PWP1: variants seen among roughly 807,000 people sequenced by gnomAD.
PWP1 encodes the protein periodic tryptophan protein 1 homolog.
Under a neutral mutation model 69.9 loss-of-function variants are expected in PWP1, and 47 were observed. The ratio of observed to expected loss-of-function variants is 0.67; its 90% confidence interval spans 0.53 to 0.86. The LOEUF (loss-of-function observed/expected upper bound fraction) is 0.86. Among genes scored for constraint, PWP1 ranks in the 40% least tolerant of loss-of-function variants. The probability of loss-of-function intolerance (pLI) is 0.00; values close to 1 mark genes in which losing one functional copy is unlikely to be tolerated. For missense variants in PWP1, 551 were observed against 608.8 expected (o/e 0.91, Z 1.00); for synonymous variants, 222 against 208.2 (o/e 1.07, Z -0.57).
intron 11 of PWP1, among the ~76,000 whole-genome samples, chr12:107,705,931 G>A (rs1204978864): frequency 6.6e-6 from 1 of 152,162 alleles, no homozygotes; most frequent in Admixed American, 6.5e-5. Flanking sequence ...GGATGGCTGG[G>A]TCAAATGGTA....
At chr12:107,693,928 T>G (rs879496553) in intron 5 of PWP1, among the ~76,000 whole-genome samples, 1 of 152,176 alleles carries the variant, frequency 6.6e-6, no homozygotes, top group Non-Finnish European at 1.5e-5. Flanking sequence ...TTCCTAATAA[T>G]TCAACACAAA....
chr12:107,698,832 A>G (rs761964210), intron 7 of PWP1, among the ~76,000 whole-genome samples: 1 of 152,174 alleles, frequency 6.6e-6, no homozygotes, highest in Non-Finnish European at 1.5e-5. Context: ...GCCTCAAGCG[A>G]TGTTCCCACG....
intron 5 of PWP1, among the ~76,000 whole-genome samples, chr12:107,694,833 T>C (rs886156066): frequency 5.3e-5 from 8 of 152,168 alleles, no homozygotes; most frequent in Non-Finnish European, 1.0e-4. Context: ...ATTATAGATA[T>C]ACTTTATTAT....
chr12:107,704,581 A>C (rs1291600792), intron 10 of PWP1, 55 bp from the exon 11 acceptor site: 1 of 1,185,876 alleles, frequency 8.4e-7, no homozygotes, highest in East Asian at 2.4e-5. Flanking sequence ...ATTATAAATA[A>C]AACATATAGG....
In PWP1 at chr12:107,688,640, G is replaced by C; in HGVS notation, c.157G>C (p.Glu53Gln). 1 of 1,614,170 alleles carries C rather than the reference G, an allele frequency of 6.2e-7. No individual in the cohort carries two copies. The highest frequency in any genetic ancestry group is 8.5e-7 in the Non-Finnish European group (1 of 1,179,988). ...LQEEGGGSDE[E>Q]ETGSPSEDGM... is the part of the protein sequence containing the mutation. ...AGAAGAAGGTGGTGGCAGTGATGAA[G>C]AGGAGACAGGCAGTCCTTCAGAAGA... is the stretch of plus-strand genomic sequence containing the variant. Residue 53 changes from glutamate to glutamine, a missense_variant, in exon 3 of 15, where the codon GAG becomes CAG. Physicochemically the swap from Glu to Gln is conservative, Grantham distance 29 (BLOSUM62 2). Coordinates refer to ENST00000412830, the MANE Select transcript of PWP1 (RefSeq NM_007062.3).
chr12:107,686,387 C>T (rs924168148), intron 1 of PWP1, among the ~76,000 whole-genome samples: 4 of 152,152 alleles, frequency 2.6e-5, no homozygotes, highest in Admixed American at 2.0e-4. Context: ...TCTTGTGCTC[C>T]GTGTCTGAAG....
At chr12:107,703,919 C>T (rs890357330) in intron 10 of PWP1, among the ~76,000 whole-genome samples, 173 bp downstream of exon 10, 4 of 152,236 alleles carry the variant, frequency 2.6e-5, no homozygotes, top group African/African-American at 9.6e-5. Context: ...TACAACGGAA[C>T]ATGATTCTGT....
In PWP1 at chr12:107,697,471, T is replaced by TTACATTGCTGTAGGAAAC; in HGVS notation, c.619_636dup (p.Tyr207_Asn212dup). 6.3e-7 allele frequency: 1 copy of TTACATTGCTGTAGGAAAC among 1,580,908 alleles called. No homozygotes were observed. Among genetic ancestry groups the TTACATTGCTGTAGGAAAC allele is most frequent in the South Asian group, 1.2e-5 (1 of 85,272 alleles). On this transcript the variant is annotated inframe_insertion, in exon 7 of 15. Transcript: ENST00000412830. ...ATGCATTGTTTCCTCCCATAGGAAA[T>TTACATTGCTGTAGGAAAC]TACATTGCTGTAGGAAACATGACCC... is the stretch of plus-strand genomic sequence containing the variant.
chr12:107,688,876 C>T (rs1305863527), intron 3 of PWP1, 74 bp downstream of exon 3: 1 of 1,415,402 alleles, frequency 7.1e-7, no homozygotes, highest in Non-Finnish European at 9.7e-7. Flanking sequence ...TGTTCCAAAG[C>T]TTTACTCTTA....
chr12:107,706,514 T>G (rs1374981288), intron 11 of PWP1, among the ~76,000 whole-genome samples: 2 of 152,220 alleles, frequency 1.3e-5, no homozygotes, highest in Non-Finnish European at 2.9e-5. Context: ...CTTCTAGGGT[T>G]TTTATGGTTT....
rs758330774 is a variant in PWP1 at position 107,709,061 on chromosome 12, A to T, written c.1168+45A>T. The T allele has an allele frequency of 4.3e-6, 7 of 1,613,644 alleles. No individual in the cohort carries two copies. The South Asian group carries it at 6.6e-5, about 15-fold the overall frequency. ...CTTTCATTTTTCTTAACTTATGATG[A>T]AGTAAATCTGTATTTCAAAGCGAAA... On this transcript the variant is annotated intron_variant, in intron 12 of 14. Transcript: ENST00000412830.
At chr12:107,692,957 GCT>G in intron 4 of PWP1, 41 bp from the exon 5 acceptor site, 1 of 1,612,864 alleles carries the variant, frequency 6.2e-7, no homozygotes, top group East Asian at 2.2e-5. Flanking sequence ...AACCTTACTG[GCT>G]CTCTGCTTCT....
rs532316838 is a variant in PWP1 at position 107,704,646 on chromosome 12, T to C, written c.976T>C (p.Leu326=). The C allele has an allele frequency of 3.7e-6, 6 of 1,613,884 alleles. No individual in the cohort carries two copies. The highest frequency in any genetic ancestry group is 5.1e-6 in the Non-Finnish European group (6 of 1,179,840). ...CCTGAATGTGTCTAGGTCAGTGGCT[T>C]TGTATGACTGCCGAAGTCCAGATGA... The part of the protein sequence containing the change: ...ISGSYDKSVA[L]YDCRSPDESH... Residue 326 remains leucine, a synonymous_variant, in exon 11 of 15, where the codon TTG becomes CTG. Transcript: ENST00000412830.
At position 107,701,946 on chromosome 12, in the gene PWP1, G is replaced by A. The variant is rs898695418; in HGVS notation, c.807-989G>A. 4.6e-5 allele frequency among the ~76,000 whole-genome samples: 7 copies of A among 152,256 alleles called. No homozygotes were observed. The South Asian group carries it at 1.5e-3, about 32-fold the overall frequency. ...GCCTGCCTCTGCCTTGCAAAGTGCT[G>A]GGATTATAGGCATGAGCCACCGCGC... On this transcript the variant is annotated intron_variant, in intron 8 of 14. Coordinates refer to ENST00000412830, the MANE Select transcript of PWP1 (RefSeq NM_007062.3).
In PWP1 at chr12:107,688,463, G is replaced by A; in HGVS notation, c.88G>A (p.Glu30Lys). The stretch of plus-strand genomic sequence containing the variant: ...TCTCTTACAGGTAGAGCTGAGTAAA[G>A]AAGAAGTAAAACGCCTCATTGCTGA... ...ETPDKVELSK[E>K]EVKRLIAEAK... The change falls in exon 2 of 15, where the codon GAA (glutamate) becomes AAA (lysine). Residue 30 changes from glutamate to lysine, a missense_variant. By Grantham distance (56) the Glu-to-Lys change is moderately conservative. Transcript: ENST00000412830. 1 of 1,613,832 alleles carries A rather than the reference G, an allele frequency of 6.2e-7. No individual in the cohort carries two copies. Among genetic ancestry groups the A allele is most frequent in the East Asian group, 2.2e-5 (1 of 44,882 alleles).
In PWP1 at chr12:107,704,702, G is replaced by A; in HGVS notation, c.1032G>A (p.Gln344=). Reference sequence around the variant, plus strand: ...ATCGAATGTGGCGATTCAGTGGGCAGATAGAGAGAGTGACTTGGAATCACT... The same window carrying A: ...ATCGAATGTGGCGATTCAGTGGGCAAATAGAGAGAGTGACTTGGAATCACT... ...ESHRMWRFSG[Q]IERVTWNHFS... is the part of the protein sequence containing the mutation. The change falls in exon 11 of 15, where the codon CAG becomes CAA. Residue 344 remains glutamine (Q), a synonymous_variant. Transcript: ENST00000412830. The A allele has an allele frequency of 6.2e-7, 1 of 1,614,020 alleles. No individual in the cohort carries two copies. The highest frequency in any genetic ancestry group is 1.1e-5 in the South Asian group (1 of 91,072).
intron 9 of PWP1, among the ~76,000 whole-genome samples, chr12:107,703,456 G>A (rs1468240733): frequency 1.3e-5 from 2 of 152,196 alleles, no homozygotes; most frequent in Non-Finnish European, 2.9e-5. Flanking sequence ...GAGGGACTAA[G>A]TATTCTGCCA....
rs547304607 is a variant in PWP1 at position 107,699,020 on chromosome 12, T to C, written c.745-353T>C. 6.6e-5 allele frequency among the ~76,000 whole-genome samples: 10 copies of C among 152,274 alleles called. No individual in the cohort carries two copies. The East Asian group carries it at 1.9e-3, about 29-fold the overall frequency. ...AGCTCACACCTGTAATCCCAACACT[T>C]TGGGAGGCCGAGAGTGGATCATGAG... On this transcript the variant is annotated intron_variant, in intron 7 of 14. Transcript: ENST00000412830.
chr12:107,690,447 G>A (rs961721457), intron 3 of PWP1, among the ~76,000 whole-genome samples: 2 of 152,184 alleles, frequency 1.3e-5, no homozygotes, highest in Non-Finnish European at 2.9e-5. Context: ...TCGTTGAAAT[G>A]CTGAGTAAAA....
Sources: gnomAD v4.1 joint callset for allele counts (sites outside exome capture counted in the v4.1 genomes callset) on GRCh38, gnomAD v4.1.1 for gene constraint, MANE v1.5 for transcripts, NCBI Gene and HGNC (gene_info 2026-07-23, HGNC 2026-07-21) for gene names.